The following TMA7B variants were observed in gnomAD, a reference collection of about 807,000 sequenced individuals.
TMA7B encodes translation machinery-associated protein 7B.
At chr22:39,961,694 A>G in the TMA7B span, among the ~76,000 whole-genome samples, 1 of 152,202 alleles carries the variant, frequency 6.6e-6, no homozygotes, top group Admixed American at 6.5e-5. Flanking sequence ...ACTTCACCAC[A>G]TGTGAAACTG....
the TMA7B span, among the ~76,000 whole-genome samples, chr22:39,961,579 G>T: frequency 6.6e-6 from 1 of 152,194 alleles, no homozygotes; most frequent in Non-Finnish European, 1.5e-5. Context: ...CCCATAGGAA[G>T]TGACTCAGTC....
At chr22:39,962,284 C>T in the TMA7B span, among the ~76,000 whole-genome samples, 1 of 152,010 alleles carries the variant, frequency 6.6e-6, no homozygotes, top group Non-Finnish European at 1.5e-5. Flanking sequence ...TAACCCAGTG[C>T]AGTGGCGCAT....
chr22:39,961,732 G>T, the TMA7B span, among the ~76,000 whole-genome samples: 1 of 152,212 alleles, frequency 6.6e-6, no homozygotes, highest in Non-Finnish European at 1.5e-5. Context: ...TAGCAGATCA[G>T]GAGAAGTACA....
chr22:39,964,399 A>G, the TMA7B span: 2 of 785,030 alleles, frequency 2.5e-6, no homozygotes, highest in Admixed American at 4.0e-5. Context: ...AGGTGGCAAG[A>G]AGAAGGCACT....
chr22:39,964,704 A>G, the TMA7B span: 5 of 444,904 alleles, frequency 1.1e-5, no homozygotes, highest in South Asian at 1.1e-4. Context: ...ACATTTAAGA[A>G]TAAACTTTTG....
At chr22:39,960,681 T>C in the TMA7B span, 1 of 154,186 alleles carries the variant, frequency 6.5e-6, no homozygotes, top group Non-Finnish European at 1.4e-5. Flanking sequence ...GGAAAAGTTG[T>C]GGCACCTTTC....
At chr22:39,961,418 A>G in the TMA7B span, among the ~76,000 whole-genome samples, 1 of 152,168 alleles carries the variant, frequency 6.6e-6, no homozygotes, top group Admixed American at 6.5e-5. Context: ...TCGTTTTCTG[A>G]GCCCCAACAA....
At chr22:39,962,689 G>A in the TMA7B span, among the ~76,000 whole-genome samples, 12 of 151,806 alleles carry the variant, frequency 7.9e-5, no homozygotes, top group East Asian at 7.8e-4. Context: ...ACAGACTCTC[G>A]CTCTGTCGCC....
At chr22:39,963,950 T>C in the TMA7B span, 127,935 of 154,552 alleles carry the variant, frequency 0.83, 53,670 homozygotes, top group African/African-American at 0.91. Flanking sequence ...TGGGAGGTGG[T>C]GCTTGCAGTG....
chr22:39,961,792 T>C, the TMA7B span, among the ~76,000 whole-genome samples: 16 of 152,370 alleles, frequency 1.1e-4, no homozygotes, highest in South Asian at 3.3e-3. Context: ...TCTGGTTTAT[T>C]CAATATATTT....
At chr22:39,961,215 C>A in the TMA7B span, among the ~76,000 whole-genome samples, 2 of 152,200 alleles carry the variant, frequency 1.3e-5, no homozygotes, top group South Asian at 2.1e-4. Context: ...TGGCCTCCCC[C>A]ATAGTGACCC....
the TMA7B span, among the ~76,000 whole-genome samples, chr22:39,963,674 G>T: frequency 6.6e-6 from 1 of 152,102 alleles, no homozygotes; most frequent in African/African-American, 2.4e-5. Context: ...TGAGATTGAG[G>T]GTCAGAATTT....
At chr22:39,962,049 T>C in the TMA7B span, among the ~76,000 whole-genome samples, 1 of 152,262 alleles carries the variant, frequency 6.6e-6, no homozygotes, top group South Asian at 2.1e-4. Context: ...TGGTTAACTT[T>C]AGTTCAGGCC....
chr22:39,962,868 C>T, the TMA7B span, among the ~76,000 whole-genome samples: 1 of 152,034 alleles, frequency 6.6e-6, no homozygotes, highest in Non-Finnish European at 1.5e-5. Flanking sequence ...GGGGTTTCGT[C>T]ATGTTGGCCA....
chr22:39,964,336 C>T, the TMA7B span: 7 of 699,382 alleles, frequency 1.0e-5, no homozygotes, highest in East Asian at 2.7e-5. Context: ...AAGAAGTTAT[C>T]GTCCAGTGGC....
the TMA7B span, chr22:39,964,856 C>A: frequency 3.4e-6 from 1 of 292,520 alleles, no homozygotes; most frequent in Non-Finnish European, 6.3e-6. Context: ...GTTGTTCTAC[C>A]CTAAACTTTG....
chr22:39,963,268 G>A, the TMA7B span, among the ~76,000 whole-genome samples: 12 of 152,112 alleles, frequency 7.9e-5, no homozygotes, highest in African/African-American at 1.2e-4. Flanking sequence ...GCCCTGAGTC[G>A]CATCCTTTCC....
At chr22:39,960,427 G>A in the TMA7B span, 2 of 439,620 alleles carry the variant, frequency 4.5e-6, no homozygotes, top group African/African-American at 3.9e-5. Flanking sequence ...TAGCCCAGGT[G>A]CTTCTGGAAG....
the TMA7B span, chr22:39,964,395 C>A: frequency 1.3e-6 from 1 of 778,268 alleles, no homozygotes; most frequent in South Asian, 1.4e-5. Flanking sequence ...ACGAAGGTGG[C>A]AAGAAGAAGG....
Sources: gnomAD v4.1 joint callset for allele counts (sites outside exome capture counted in the v4.1 genomes callset) on GRCh38, gnomAD v4.1.1 for gene constraint, MANE v1.5 for transcripts, NCBI Gene and HGNC (gene_info 2026-07-23, HGNC 2026-07-21) for gene names.